Variants in PLCB4 observed in about 807,000 individuals in gnomAD.
PLCB4 encodes the protein 1-phosphatidylinositol 4,5-bisphosphate phosphodiesterase beta-4.
PLCB4 carries 77 observed loss-of-function variants against 178.8 expected under a neutral mutation model. The observed-to-expected ratio is 0.43, with a 90% CI of 0.36 to 0.52. The LOEUF is 0.52. PLCB4 is among the 20% of genes least tolerant of loss of function. The pLI, the probability that PLCB4 is intolerant of heterozygous loss-of-function variation, is 0.00. For missense variants in PLCB4, 1,024 were observed against 1,453.4 expected (o/e 0.70, Z 4.80); for synonymous variants, 496 against 490.8 (o/e 1.01, Z -0.14).
At chr20:9,246,374 G>A (rs567196771) in intron 3 of PLCB4, among the ~76,000 whole-genome samples, 42 of 152,168 alleles carry the variant, frequency 2.8e-4, no homozygotes, top group East Asian at 1.2e-3. Context: ...TGTTATAACC[G>A]CCCTGTGAAT....
At chr20:9,151,870 G>T (rs1012888102) in intron 2 of PLCB4, among the ~76,000 whole-genome samples, 1 of 152,156 alleles carries the variant, frequency 6.6e-6, no homozygotes, top group Non-Finnish European at 1.5e-5. Context: ...CTTGTTGAAT[G>T]GCTTTGCCCA....
At chr20:9,350,727 T>C (rs1467007302) in intron 7 of PLCB4, among the ~76,000 whole-genome samples, 1 of 152,010 alleles carries the variant, frequency 6.6e-6, no homozygotes, top group African/African-American at 2.4e-5. Context: ...CCCAGCTAAT[T>C]ATTGTATTTT....
chr20:9,097,177 T>C (rs2146604619), intron 2 of PLCB4, among the ~76,000 whole-genome samples: 1 of 150,312 alleles, frequency 6.7e-6, no homozygotes, highest in Non-Finnish European at 1.5e-5. Context: ...TCAAGTGAGC[T>C]GCCTACCCCG....
chr20:9,227,154 A>C (rs1402261047), intron 3 of PLCB4, among the ~76,000 whole-genome samples: 1 of 148,832 alleles, frequency 6.7e-6, no homozygotes, highest in African/African-American at 2.5e-5. Flanking sequence ...TGCTTTTTTG[A>C]TGTTGTTGAA....
rs892541317 is a variant in PLCB4 at position 9,411,032 on chromosome 20, G to T, written c.2000-5G>T. The stretch of plus-strand genomic sequence containing the variant: ...AGATGCTAAATTATTTTTGTCTCTT[G>T]ACAGATTTAGCGATGCAATTGAATC... On this transcript the variant is annotated splice_region_variant and splice_polypyrimidine_tract_variant and intron_variant, in intron 24 of 39. Coordinates refer to ENST00000378473, the MANE Select transcript of PLCB4 (RefSeq NM_001377142.1). 30 of 1,606,724 alleles carry T rather than the reference G, an allele frequency of 1.9e-5. No individual in the cohort carries two copies. Among genetic ancestry groups the T allele is most frequent in the Non-Finnish European group, 2.4e-5 (28 of 1,173,648 alleles).
intron 3 of PLCB4, among the ~76,000 whole-genome samples, chr20:9,258,262 G>C (rs554758387): frequency 6.6e-6 from 1 of 152,156 alleles, no homozygotes; most frequent in East Asian, 1.9e-4. Context: ...TTATGTAAAT[G>C]TTAGATAATA....
rs6056608 is a variant in PLCB4, at chr20:9,421,281, G to A, written c.2155-16G>A. 0.051 allele frequency: 81,432 copies of A among 1,589,898 alleles called. 3,761 individuals are homozygous for A. The highest frequency in any genetic ancestry group is 0.21 in the East Asian group (9,206 of 44,310). On this transcript the variant is annotated splice_polypyrimidine_tract_variant and intron_variant, in intron 26 of 39. Transcript: ENST00000378473. Reference sequence around the variant, plus strand: ...ACAGAGCTTACTTCTCTTTGCTCTCGTTCGTGCTGCTACAGGTTATATCAG... The same window carrying A: ...ACAGAGCTTACTTCTCTTTGCTCTCATTCGTGCTGCTACAGGTTATATCAG...
At chr20:9,371,028 C>T in intron 9 of PLCB4, 186 bp from the exon 10 acceptor site, 1 of 567,430 alleles carries the variant, frequency 1.8e-6, no homozygotes, top group Non-Finnish European at 3.1e-6. Flanking sequence ...CTAACCAGCT[C>T]TGGGAACCAG....
intron 4 of PLCB4, among the ~76,000 whole-genome samples, chr20:9,327,321 C>A (rs1442119425): frequency 2.0e-5 from 3 of 151,812 alleles, no homozygotes; most frequent in Middle Eastern, 3.4e-3. Context: ...ATAGTGAATG[C>A]CTGTAGTCCT....
At chr20:9,190,078 C>G (rs1034644566) in intron 2 of PLCB4, among the ~76,000 whole-genome samples, 1 of 152,164 alleles carries the variant, frequency 6.6e-6, no homozygotes, top group African/African-American at 2.4e-5. Flanking sequence ...AAAGTAAGGA[C>G]TTTGTTAATT....
chr20:9,455,953 G>C (rs2276481), intron 33 of PLCB4, among the ~76,000 whole-genome samples: 87,811 of 152,018 alleles, frequency 0.58, 27,633 homozygotes, highest in African/African-American at 0.83. Flanking sequence ...GTCCTGCCTC[G>C]GCTTCCTGAG....
chr20:9,155,225 C>A (rs767493253), intron 2 of PLCB4, among the ~76,000 whole-genome samples: 20 of 151,500 alleles, frequency 1.3e-4, no homozygotes, highest in Non-Finnish European at 2.9e-4. Flanking sequence ...TCCTGTGTTA[C>A]TTGATTTAGA....
intron 2 of PLCB4, among the ~76,000 whole-genome samples, chr20:9,214,742 A>C (rs572041701): frequency 8.5e-5 from 13 of 152,316 alleles, no homozygotes; most frequent in African/African-American, 2.6e-4. Context: ...ACTCCAAGTC[A>C]GTTGCAATAG....
intron 2 of PLCB4, among the ~76,000 whole-genome samples, chr20:9,215,358 G>A (rs554805858): frequency 1.4e-4 from 22 of 152,276 alleles, no homozygotes; most frequent in Middle Eastern, 3.4e-3. Context: ...AAACATGGGC[G>A]AGGGTGCCTG....
intron 7 of PLCB4, among the ~76,000 whole-genome samples, chr20:9,357,328 C>G (rs1453607413): frequency 6.6e-6 from 1 of 152,130 alleles, no homozygotes; most frequent in Non-Finnish European, 1.5e-5. Context: ...AACTTCAATC[C>G]CCTAAAAAGG....
At chr20:9,474,172 G>T (rs966236610) in intron 38 of PLCB4, among the ~76,000 whole-genome samples, 14 of 149,828 alleles carry the variant, frequency 9.3e-5, no homozygotes, top group African/African-American at 3.5e-4. Context: ...AGCCGAGATC[G>T]CACCACTGCA....
At chr20:9,381,529 G>C (rs1460618875) in intron 13 of PLCB4, among the ~76,000 whole-genome samples, 2 of 152,202 alleles carry the variant, frequency 1.3e-5, no homozygotes, top group African/African-American at 2.4e-5. Context: ...ACAATTCCTT[G>C]GCAGTGTGAT....
chr20:9,174,571 G>A (rs1419498443), intron 2 of PLCB4, among the ~76,000 whole-genome samples: 1 of 149,262 alleles, frequency 6.7e-6, no homozygotes, highest in Non-Finnish European at 1.5e-5. Context: ...TTCCCTCCTT[G>A]GTCCCTTGAC....
intron 14 of PLCB4, 152 bp downstream of exon 14, chr20:9,384,563 A>G: frequency 1.6e-6 from 1 of 629,836 alleles, no homozygotes; most frequent in East Asian, 2.7e-5. Flanking sequence ...ACGTTGAGAA[A>G]AGAAGGACAG....
Sources: gnomAD v4.1 joint callset for allele counts (sites outside exome capture counted in the v4.1 genomes callset) on GRCh38, gnomAD v4.1.1 for gene constraint, MANE v1.5 for transcripts, NCBI Gene and HGNC (gene_info 2026-07-23, HGNC 2026-07-21) for gene names.